Variants in FILIP1 observed in about 807,000 individuals in gnomAD.
The protein encoded by FILIP1 is filamin-A-interacting protein 1.
FILIP1 carries 61 observed loss-of-function variants against 102.1 expected under a neutral mutation model. The ratio of observed to expected loss-of-function variants is 0.60; its 90% CI spans 0.49 to 0.74. The LOEUF is 0.74. FILIP1 is among the 30% of genes least tolerant of loss of function. The probability of loss-of-function intolerance (pLI) is 0.00; values close to 1 mark genes in which losing one functional copy is unlikely to be tolerated. For synonymous variants in FILIP1, 491 were observed against 526.9 expected, an observed-to-expected ratio of 0.93 and a Z score of 0.93; for missense variants, 1,314 against 1,441.2, an observed-to-expected ratio of 0.91 and a Z score of 1.43.
At chr6:75,380,129 A>T (rs1259878175) in intron 2 of FILIP1, among the ~76,000 whole-genome samples, 1 of 152,168 alleles carries the variant, frequency 6.6e-6, no homozygotes, top group African/African-American at 2.4e-5. Context: ...TTCTGAATAC[A>T]GGGAAGACGT....
chr6:75,402,976 A>G (rs1000080185), intron 2 of FILIP1, among the ~76,000 whole-genome samples: 2 of 152,174 alleles, frequency 1.3e-5, no homozygotes, highest in Admixed American at 6.5e-5. Context: ...TGATATGCCT[A>G]ACCCTTTTCT....
In FILIP1 at chr6:75,315,170, T is replaced by A; in HGVS notation, c.662A>T (p.Tyr221Phe). 1 of 1,575,584 alleles carries A rather than the reference T, an allele frequency of 6.3e-7. No individual in the cohort carries two copies. Among genetic ancestry groups the A allele is most frequent in the Non-Finnish European group, 8.6e-7 (1 of 1,165,788 alleles). ...ATTTTCCTTTTCTTTGCGGGCTTGA[T>A]AAGCCTTTTCTTGTTCAAGGAGCTT... ...LKKLLEQEKA[Y>F]QARKEKENAK... Residue 221 changes from tyrosine (Y) to phenylalanine (F), a missense_variant, in exon 5 of 6, where the codon TAT (tyrosine) becomes TTT (phenylalanine). This residue lies in a region of FILIP1 where 494 missense variants were observed against 511.2 expected (regional missense o/e 0.97). Coordinates refer to ENST00000237172, the MANE Select transcript of FILIP1 (RefSeq NM_015687.5).
chr6:75,453,343 GTTAA>G (rs1209448146), intron 1 of FILIP1, among the ~76,000 whole-genome samples: 2 of 152,210 alleles, frequency 1.3e-5, no homozygotes, highest in Non-Finnish European at 2.9e-5. Context: ...TATTTTGGAA[GTTAA>G]TTGAGATTTT....
At chr6:75,318,309 C>T (rs557857319) in intron 4 of FILIP1, among the ~76,000 whole-genome samples, 1 of 139,396 alleles carries the variant, frequency 7.2e-6, no homozygotes, top group South Asian at 2.5e-4. Flanking sequence ...GATTATAGTT[C>T]ACCGCAGCCT....
intron 2 of FILIP1, among the ~76,000 whole-genome samples, chr6:75,394,293 A>T (rs2149661539): frequency 6.6e-6 from 1 of 152,328 alleles, no homozygotes; most frequent in Middle Eastern, 3.4e-3. Flanking sequence ...TGAATTTCAG[A>T]TGGGTTAAAT....
chr6:75,373,071 T>C (rs1423997240), intron 2 of FILIP1, among the ~76,000 whole-genome samples: 1 of 152,180 alleles, frequency 6.6e-6, no homozygotes, highest in East Asian at 1.9e-4. Flanking sequence ...CTAAATATGG[T>C]ACATACATAC....
At chr6:75,297,364 A>C (rs1417943642) in intron 6 of FILIP1, among the ~76,000 whole-genome samples, 1 of 152,170 alleles carries the variant, frequency 6.6e-6, no homozygotes, top group Non-Finnish European at 1.5e-5. Context: ...GGTGTCGTTA[A>C]CTTTACCTCA....
intron 2 of FILIP1, among the ~76,000 whole-genome samples, chr6:75,384,421 T>C (rs938784124): frequency 6.6e-6 from 1 of 152,230 alleles, no homozygotes; most frequent in African/African-American, 2.4e-5. Context: ...GTTAGTTATC[T>C]ATCTCTCTTC....
chr6:75,483,309 T>A (rs574803740), intron 1 of FILIP1, among the ~76,000 whole-genome samples: 2 of 152,288 alleles, frequency 1.3e-5, no homozygotes, highest in South Asian at 2.1e-4. Flanking sequence ...GAAAGCAAAG[T>A]GATTAATCCT....
intron 6 of FILIP1, among the ~76,000 whole-genome samples, chr6:75,301,781 CT>C (rs1307831175): frequency 2.0e-5 from 3 of 152,224 alleles, no homozygotes; most frequent in Admixed American, 6.5e-5. Context: ...GTTACACAAC[CT>C]TTTGGTGGTA....
chr6:75,464,042 A>G, intron 1 of FILIP1, among the ~76,000 whole-genome samples: 1 of 152,232 alleles, frequency 6.6e-6, no homozygotes, highest in East Asian at 1.9e-4. Context: ...ATTATGCTTC[A>G]CAGAGGTCAT....
At chr6:75,399,660 C>T (rs548447849) in intron 2 of FILIP1, among the ~76,000 whole-genome samples, 31 of 152,234 alleles carry the variant, frequency 2.0e-4, no homozygotes, top group African/African-American at 4.6e-4. Flanking sequence ...GTGCCCTTAA[C>T]GGAGTTTACT....
intron 2 of FILIP1, chr6:75,399,381 G>A (rs765515875): frequency 2.6e-5 from 4 of 152,150 alleles, no homozygotes; most frequent in African/African-American, 9.6e-5. Flanking sequence ...CTGTGGAATC[G>A]GATTCTCTTT....
intron 1 of FILIP1, among the ~76,000 whole-genome samples, chr6:75,485,348 A>G (rs1779753558): frequency 6.6e-6 from 1 of 151,646 alleles, no homozygotes; most frequent in African/African-American, 2.4e-5. Flanking sequence ...ATTAACCAAT[A>G]ATGAATGTAG....
intron 2 of FILIP1, among the ~76,000 whole-genome samples, chr6:75,381,381 C>T (rs1174162414): frequency 1.3e-5 from 2 of 152,106 alleles, no homozygotes; most frequent in East Asian, 3.9e-4. Flanking sequence ...AGGCGCGTGC[C>T]ACCACGCCCG....
chr6:75,450,516 G>C (rs1410544998), intron 1 of FILIP1, among the ~76,000 whole-genome samples: 3 of 151,866 alleles, frequency 2.0e-5, no homozygotes, highest in African/African-American at 7.3e-5. Context: ...GGATGTGGTG[G>C]CATGTGCCTG....
intron 3 of FILIP1, among the ~76,000 whole-genome samples, chr6:75,356,340 T>C (rs1774998460): frequency 6.6e-6 from 1 of 152,162 alleles, no homozygotes. Flanking sequence ...AGATCTCCAC[T>C]TCCCTTGTTT....
At chr6:75,324,362 G>C (rs1311384976) in intron 4 of FILIP1, among the ~76,000 whole-genome samples, 1 of 138,248 alleles carries the variant, frequency 7.2e-6, no homozygotes, top group Admixed American at 7.1e-5. Flanking sequence ...AAAAAAAAAG[G>C]AAAGAAATAT....
intron 2 of FILIP1, 55 bp from the exon 3 acceptor site, chr6:75,362,972 G>C: frequency 6.4e-7 from 1 of 1,551,022 alleles, no homozygotes; most frequent in East Asian, 2.3e-5. Flanking sequence ...TCGCATACTG[G>C]GCTCAAAAAA....
Sources: gnomAD v4.1 joint callset for allele counts (sites outside exome capture counted in the v4.1 genomes callset) on GRCh38, gnomAD v4.1.1 for gene constraint, gnomAD v4.1.1 regional missense constraint, MANE v1.5 for transcripts, NCBI Gene and HGNC (gene_info 2026-07-23, HGNC 2026-07-21) for gene names.